The following KCNK13 variants were observed in gnomAD, a reference collection of about 807,000 sequenced individuals.
KCNK13 encodes potassium two pore domain channel subfamily K member 13.
KCNK13 carries 12 observed loss-of-function variants against 23.4 expected under a neutral mutation model. The observed-to-expected ratio is 0.51, with a 90% confidence interval of 0.33 to 0.83. The LOEUF is 0.83. Ranked by LOEUF, KCNK13 falls within the 40% of genes least tolerant of loss-of-function variation. The pLI is 0.02. For missense variants in KCNK13, 463 were observed against 556.3 expected (o/e 0.83, Z 1.69); for synonymous variants, 231 against 229.5 (o/e 1.01, Z -0.06).
Position 90,062,202 on chromosome 14 carries a change from G to A in KCNK13, c.-4G>A. The A allele has an allele frequency of 1.1e-6, 1 of 893,998 alleles. No homozygotes were observed. The highest frequency in any genetic ancestry group is 1.5e-6 in the Non-Finnish European group (1 of 659,412). 55.4% of individuals were successfully genotyped at this position (893,998 alleles called of 1,614,324 possible). A position where few individuals can be genotyped will look rare whatever the true frequency, so the allele number is the denominator to read the frequency against. ...GCCTGGGGGCTGCCCCCGGGGGCCC[G>A]GCCATGGCTGGCCGGGGTTTCAGCT... On this transcript the variant is annotated 5_prime_UTR_variant, in exon 1 of 2. Transcript: ENST00000282146. The surrounding 1 kb of genome is among the most constrained non-coding windows in gnomAD (Gnocchi z 4.5).
At chr14:90,131,525 C>T (rs1889871647) in intron 1 of KCNK13, among the ~76,000 whole-genome samples, 1 of 152,004 alleles carries the variant, frequency 6.6e-6, no homozygotes, top group African/African-American at 2.4e-5. Context: ...CCACCATGCC[C>T]GGCCATATTA....
intron 1 of KCNK13, among the ~76,000 whole-genome samples, chr14:90,064,830 C>T (rs1888989439): frequency 6.6e-6 from 1 of 152,158 alleles, no homozygotes; most frequent in South Asian, 2.1e-4. Flanking sequence ...GTTGTAATAA[C>T]AGCACTGGCT....
Position 90,135,586 on chromosome 14 carries a change from G to A in KCNK13, c.335-48525G>A, listed in dbSNP as rs1037709655. Among the ~76,000 whole-genome samples, 11 of 152,172 alleles carry A rather than the reference G, an allele frequency of 7.2e-5. No individual in the cohort carries two copies. In the South Asian group the frequency reaches 1.2e-3, roughly 17 times the overall value. Reference sequence around the variant, plus strand: ...GATTTTCACAGGCCCGTGGACAGACGTTAGAGAGAAGATGGCCTGTAATGT... The same window carrying A: ...GATTTTCACAGGCCCGTGGACAGACATTAGAGAGAAGATGGCCTGTAATGT... On this transcript the variant is annotated intron_variant, in intron 1 of 1. Coordinates refer to ENST00000282146, the MANE Select transcript of KCNK13 (RefSeq NM_022054.4).
chr14:90,181,385 C>A (rs1328531842), intron 1 of KCNK13, among the ~76,000 whole-genome samples: 2 of 152,216 alleles, frequency 1.3e-5, no homozygotes, highest in Non-Finnish European at 2.9e-5. Context: ...CCTGCTTCCT[C>A]ATACATGGCA....
At chr14:90,088,755 A>G (rs903369453) in intron 1 of KCNK13, among the ~76,000 whole-genome samples, 1 of 152,166 alleles carries the variant, frequency 6.6e-6, no homozygotes, top group Non-Finnish European at 1.5e-5. Flanking sequence ...AACTCCCACA[A>G]TTCCCACGTG....
At chr14:90,102,598 C>T (rs571892079) in intron 1 of KCNK13, among the ~76,000 whole-genome samples, 5 of 152,242 alleles carry the variant, frequency 3.3e-5, no homozygotes, top group African/African-American at 9.6e-5. Context: ...TCTCCCATGA[C>T]CCCCTATGAA....
At chr14:90,101,842 C>T (rs1174325701) in intron 1 of KCNK13, among the ~76,000 whole-genome samples, 1 of 145,998 alleles carries the variant, frequency 6.8e-6, no homozygotes, top group East Asian at 2.0e-4. Flanking sequence ...AGAACTTCCT[C>T]ATGTAACCAA....
chr14:90,155,094 G>GA (rs1890179070), intron 1 of KCNK13, among the ~76,000 whole-genome samples: 1 of 152,170 alleles, frequency 6.6e-6, no homozygotes, highest in Non-Finnish European at 1.5e-5. Context: ...ATGTGCTGTA[G>GA]AAAAATTACA....
intron 1 of KCNK13, among the ~76,000 whole-genome samples, chr14:90,177,041 C>A (rs182845104): frequency 6.6e-6 from 1 of 151,842 alleles, no homozygotes; most frequent in Non-Finnish European, 1.5e-5. Context: ...AAAATAAATA[C>A]AAGAATTAAC....
Position 90,062,368 on chromosome 14 carries a change from G to A in KCNK13, c.163G>A (p.Glu55Lys), listed in dbSNP as rs1596760479. 1.3e-6 allele frequency: 2 copies of A among 1,555,278 alleles called. No individual in the cohort carries two copies. Among genetic ancestry groups the A allele is most frequent in the South Asian group, 1.2e-5 (1 of 84,560 alleles). Reference protein sequence around the residue: ...HERQAKQRWEERLANFSRGHN... With the variant: ...HERQAKQRWEKRLANFSRGHN... Reference sequence around the variant, plus strand: ...GCGCCAGGCCAAGCAGCGCTGGGAGGAGCGCCTGGCCAACTTCAGCCGCGG... The same window carrying A: ...GCGCCAGGCCAAGCAGCGCTGGGAGAAGCGCCTGGCCAACTTCAGCCGCGG... Residue 55 changes from glutamate to lysine, a missense_variant, in exon 1 of 2, where the codon GAG (glutamate) becomes AAG (lysine). By Grantham distance (56) the Glu-to-Lys change is moderately conservative. Around this residue, in one of 3 missense-constraint regions of KCNK13, gnomAD observed 153 missense variants for 153.6 expected, o/e 1.00. Transcript: ENST00000282146. This position sits in a 1 kb window ranked among gnomAD's most constrained non-coding sequence, Gnocchi z 4.5.
Position 90,184,429 on chromosome 14 carries a change from C to G in KCNK13, c.653C>G (p.Pro218Arg). 1 of 1,614,224 alleles carries G rather than the reference C, an allele frequency of 6.2e-7. No homozygotes were observed. The highest frequency in any genetic ancestry group is 8.5e-7 in the Non-Finnish European group (1 of 1,180,040). ...TGCTGCGCCTCAGCCATGTACACCC[C>G]CATTGAAGGCTGGAGCTACTTTGAC... is the stretch of plus-strand genomic sequence containing the variant. ...ISCCASAMYT[P>R]IEGWSYFDSL... The change falls in exon 2 of 2, where the codon CCC (proline) becomes CGC (arginine). Residue 218 changes from proline to arginine, a missense_variant. Pro to Arg is a moderately radical substitution (Grantham distance 103). Around this residue, in one of 3 missense-constraint regions of KCNK13, gnomAD observed 144 missense variants for 224.0 expected, o/e 0.64. Transcript: ENST00000282146. This position sits in a 1 kb window ranked among gnomAD's most constrained non-coding sequence, Gnocchi z 5.6.
At chr14:90,105,966 C>T (rs1347025615) in intron 1 of KCNK13, among the ~76,000 whole-genome samples, 7 of 152,146 alleles carry the variant, frequency 4.6e-5, no homozygotes, top group Non-Finnish European at 8.8e-5. Context: ...CAGGCTGAGC[C>T]GGCAGTGCTG....
At chr14:90,168,052 T>C (rs1275118116) in intron 1 of KCNK13, among the ~76,000 whole-genome samples, 6 of 152,072 alleles carry the variant, frequency 3.9e-5, no homozygotes, top group Non-Finnish European at 7.4e-5. Context: ...CCATCTGAAA[T>C]GTTTTCTGCA....
intron 1 of KCNK13, among the ~76,000 whole-genome samples, chr14:90,177,738 G>A (rs534656433): frequency 2.0e-5 from 3 of 152,284 alleles, no homozygotes; most frequent in African/African-American, 7.2e-5. Context: ...AGCTGGGAAG[G>A]AGTCGGTCTT....
intron 1 of KCNK13, among the ~76,000 whole-genome samples, chr14:90,103,598 G>A (rs965931711): frequency 2.0e-5 from 3 of 151,984 alleles, no homozygotes; most frequent in South Asian, 2.1e-4. Flanking sequence ...ACGGAGTTTC[G>A]CTCTTGTCAG....
intron 1 of KCNK13, among the ~76,000 whole-genome samples, chr14:90,071,841 T>C (rs1297774714): frequency 1.3e-5 from 2 of 150,878 alleles, no homozygotes; most frequent in South Asian, 2.1e-4. Flanking sequence ...GAAGTTGCAG[T>C]GAGCCGAGAT....
chr14:90,130,886 G>A (rs1889861665), intron 1 of KCNK13, among the ~76,000 whole-genome samples: 2 of 152,224 alleles, frequency 1.3e-5, no homozygotes, highest in Non-Finnish European at 2.9e-5. Context: ...GGCTCATGAG[G>A]TAGCAAAGTC....
At chr14:90,091,376 G>T (rs1183691442) in intron 1 of KCNK13, among the ~76,000 whole-genome samples, 2 of 152,118 alleles carry the variant, frequency 1.3e-5, no homozygotes, top group Admixed American at 1.3e-4. Flanking sequence ...GCTGGCTAAA[G>T]GTTTTCCTAT....
At chr14:90,073,587 T>A (rs1249917324) in intron 1 of KCNK13, among the ~76,000 whole-genome samples, 7 of 152,184 alleles carry the variant, frequency 4.6e-5, no homozygotes, top group Admixed American at 2.6e-4. Context: ...CGAACTGTGC[T>A]CCCCGGAGCC....
Sources: allele counts gnomAD v4.1 joint callset (sites outside exome capture counted in the v4.1 genomes callset), GRCh38; gene constraint gnomAD v4.1.1; regional missense constraint gnomAD v4.1.1; non-coding constraint Gnocchi (gnomAD v3.1); transcripts MANE v1.5; gene names NCBI Gene and HGNC (gene_info 2026-07-23, HGNC 2026-07-21).